Variants in IPCEF1 observed in about 807,000 individuals in gnomAD.
IPCEF1 encodes interactor protein for cytohesin exchange factors 1.
IPCEF1 carries 31 observed loss-of-function variants against 50.9 expected under a neutral mutation model. The ratio of observed to expected loss-of-function variants is 0.61; its 90% confidence interval spans 0.46 to 0.82. The LOEUF (loss-of-function observed/expected upper bound fraction) is 0.82, where lower values mean the gene tolerates loss of function less well. Ranked by LOEUF, IPCEF1 falls within the 40% of genes least tolerant of loss-of-function variation. The probability of loss-of-function intolerance (pLI) is 0.00; values close to 1 mark genes in which losing one functional copy is unlikely to be tolerated. For missense variants in IPCEF1, 458 were observed against 514.0 expected, an observed-to-expected ratio of 0.89 and a Z score of 1.05; for synonymous variants, 181 against 192.0, an observed-to-expected ratio of 0.94 and a Z score of 0.47.
chr6:154,252,100 G>A (rs1377277985), intron 3 of IPCEF1, among the ~76,000 whole-genome samples: 1 of 152,150 alleles, frequency 6.6e-6, no homozygotes, highest in South Asian at 2.1e-4. Flanking sequence ...CTGGAATAAA[G>A]ACATAAAATG....
intron 9 of IPCEF1, among the ~76,000 whole-genome samples, chr6:154,209,914 C>T (rs1777830453): frequency 6.6e-6 from 1 of 152,100 alleles, no homozygotes; most frequent in Non-Finnish European, 1.5e-5. Flanking sequence ...AAAAAATGCT[C>T]AACTTAGAAC....
At chr6:154,214,127 C>CTA in intron 8 of IPCEF1, 91 bp downstream of exon 8, 1 of 850,728 alleles carries the variant, frequency 1.2e-6, no homozygotes, top group Middle Eastern at 2.4e-4. Context: ...CAGGATCAGA[C>CTA]TATACATAGA....
intron 1 of IPCEF1, among the ~76,000 whole-genome samples, chr6:154,302,843 G>A (rs1354863287): frequency 6.6e-6 from 1 of 152,088 alleles, no homozygotes; most frequent in Non-Finnish European, 1.5e-5. Flanking sequence ...AGGATTAAAT[G>A]ACATAATTTT....
At chr6:154,282,532 A>C (rs577403508) in intron 2 of IPCEF1, among the ~76,000 whole-genome samples, 7 of 152,096 alleles carry the variant, frequency 4.6e-5, no homozygotes, top group Admixed American at 6.5e-5. Context: ...AACACACACA[A>C]AAAAATTAGG....
At chr6:154,227,141 T>C (rs1199536939) in intron 5 of IPCEF1, among the ~76,000 whole-genome samples, 1 of 151,898 alleles carries the variant, frequency 6.6e-6, no homozygotes, top group African/African-American at 2.4e-5. Flanking sequence ...GAGGCAGAGG[T>C]TGCAGTGAGC....
chr6:154,244,863 C>G (rs1045500805), intron 5 of IPCEF1, among the ~76,000 whole-genome samples: 3 of 152,326 alleles, frequency 2.0e-5, no homozygotes, highest in Middle Eastern at 3.4e-3. Context: ...ACATGCCAAG[C>G]TCCATCAGCG....
intron 1 of IPCEF1, among the ~76,000 whole-genome samples, chr6:154,343,161 C>T (rs1240346574): frequency 1.3e-5 from 2 of 152,130 alleles, no homozygotes; most frequent in Non-Finnish European, 2.9e-5. Flanking sequence ...GTCTGTGGCT[C>T]GAGTTTTTCC....
chr6:154,235,344 C>A (rs947739076), intron 5 of IPCEF1, among the ~76,000 whole-genome samples: 2 of 151,900 alleles, frequency 1.3e-5, no homozygotes, highest in Admixed American at 6.6e-5. Context: ...CAGCCTGGCC[C>A]ACATGGCGAA....
intron 1 of IPCEF1, among the ~76,000 whole-genome samples, chr6:154,309,744 T>C (rs1783027993): frequency 6.6e-6 from 1 of 151,612 alleles, no homozygotes; most frequent in South Asian, 2.1e-4. Flanking sequence ...TAAAGCTATT[T>C]AGTCACTCTG....
In IPCEF1 at chr6:154,159,193, A is replaced by T. The variant is rs1798832353; in HGVS notation, c.*635T>A. ...CCCCTAACCTGCATAAAGTGTGAAAACACCAAGCTGTCCTTTGAATGAGTG... is the reference window on the plus strand; with the variant it reads ...CCCCTAACCTGCATAAAGTGTGAAATCACCAAGCTGTCCTTTGAATGAGTG... On this transcript the variant is annotated 3_prime_UTR_variant, in exon 12 of 12. Transcript: ENST00000367220. The T allele has an allele frequency of 6.5e-6, 1 of 152,714 alleles. No homozygotes were observed. The highest frequency in any genetic ancestry group is 1.5e-5 in the Non-Finnish European group (1 of 68,250). The allele number at this position is 152,714 out of a possible 1,614,324, so 9.5% of individuals were successfully genotyped here.
chr6:154,252,710 T>C (rs1781367705), intron 3 of IPCEF1, among the ~76,000 whole-genome samples: 1 of 151,678 alleles, frequency 6.6e-6, no homozygotes, highest in South Asian at 2.1e-4. Context: ...AAACGAAGGA[T>C]GGATTCACTA....
chr6:154,289,108 A>G (rs945084584), intron 2 of IPCEF1, among the ~76,000 whole-genome samples: 2 of 152,126 alleles, frequency 1.3e-5, no homozygotes, highest in African/African-American at 2.4e-5. Context: ...GTGAGGAGCT[A>G]AGACATATAA....
At chr6:154,301,420 T>TTTC (rs1782792192) in intron 1 of IPCEF1, among the ~76,000 whole-genome samples, 2 of 152,162 alleles carry the variant, frequency 1.3e-5, no homozygotes, top group Admixed American at 1.3e-4. Context: ...AACCTTGAAA[T>TTTC]ATTAGCATGG....
intron 1 of IPCEF1, among the ~76,000 whole-genome samples, chr6:154,323,964 A>G (rs1389105567): frequency 6.6e-6 from 1 of 152,214 alleles, no homozygotes; most frequent in Non-Finnish European, 1.5e-5. Context: ...AAAAATACAT[A>G]TATACACAGA....
intron 1 of IPCEF1, among the ~76,000 whole-genome samples, chr6:154,292,437 G>A (rs915670957): frequency 4.6e-5 from 7 of 152,208 alleles, no homozygotes; most frequent in South Asian, 4.1e-4. Flanking sequence ...TGAAATTTGC[G>A]CTACAATCGC....
At chr6:154,197,976 A>G (rs1316083591) in intron 10 of IPCEF1, among the ~76,000 whole-genome samples, 4 of 152,188 alleles carry the variant, frequency 2.6e-5, no homozygotes, top group Admixed American at 6.5e-5. Flanking sequence ...TCTAAGCATC[A>G]AGATAGAGGT....
intron 10 of IPCEF1, among the ~76,000 whole-genome samples, chr6:154,193,666 C>T (rs1013276611): frequency 6.6e-6 from 1 of 152,044 alleles, no homozygotes; most frequent in Admixed American, 6.6e-5. Flanking sequence ...ATTGAAGACC[C>T]CTCTGATAAC....
intron 11 of IPCEF1, among the ~76,000 whole-genome samples, 169 bp from the exon 12 acceptor site, chr6:154,160,209 T>C (rs1363119464): frequency 6.6e-6 from 1 of 152,224 alleles, no homozygotes; most frequent in Non-Finnish European, 1.5e-5. Context: ...CGACATTTGT[T>C]TGCATACGCT....
At chr6:154,303,783 C>T (rs1316116197) in intron 1 of IPCEF1, among the ~76,000 whole-genome samples, 3 of 152,082 alleles carry the variant, frequency 2.0e-5, no homozygotes, top group Non-Finnish European at 4.4e-5. Flanking sequence ...ATTAACGAGG[C>T]ATGTTGGTGC....
Sources: gnomAD v4.1 joint callset for allele counts (sites outside exome capture counted in the v4.1 genomes callset) on GRCh38, gnomAD v4.1.1 for gene constraint, MANE v1.5 for transcripts, NCBI Gene and HGNC (gene_info 2026-07-23, HGNC 2026-07-21) for gene names.